Variants in NKAIN3 observed in about 807,000 individuals in gnomAD.
The protein encoded by NKAIN3 is sodium/potassium transporting ATPase interacting 3, also known as sodium/potassium-transporting ATPase subunit beta-1-interacting protein 3.
A neutral mutation model predicts 30.2 loss-of-function variants in NKAIN3; 25 were observed. That is an observed-to-expected ratio of 0.83 (90% CI 0.60 to 1.16). NKAIN3 has a LOEUF of 1.16. Among genes scored for constraint, NKAIN3 ranks in the 50% most tolerant of loss-of-function variants. The probability of loss-of-function intolerance (pLI) is 0.00; values close to 1 mark genes in which losing one functional copy is unlikely to be tolerated. For missense variants in NKAIN3, 225 were observed against 254.1 expected, an observed-to-expected ratio of 0.89 and a Z score of 0.78; for synonymous variants, 91 against 89.6, an observed-to-expected ratio of 1.02 and a Z score of -0.09.
chr8:62,907,410 G>A (rs576434700), intron 4 of NKAIN3, among the ~76,000 whole-genome samples: 5 of 152,338 alleles, frequency 3.3e-5, no homozygotes, highest in South Asian at 4.1e-4. Context: ...CCCATTTTCT[G>A]AGGAGAAATT....
intron 4 of NKAIN3, among the ~76,000 whole-genome samples, chr8:62,890,038 G>A (rs1821257661): frequency 6.6e-6 from 1 of 152,134 alleles, no homozygotes; most frequent in South Asian, 2.1e-4. Context: ...AGTGTGGTGT[G>A]TAGAAAAGGC....
intron 3 of NKAIN3, among the ~76,000 whole-genome samples, chr8:62,608,109 A>G (rs1224956119): frequency 6.6e-6 from 1 of 152,008 alleles, no homozygotes; most frequent in Non-Finnish European, 1.5e-5. Flanking sequence ...ACTAAGACAT[A>G]TACTTTCTTT....
chr8:62,352,622 C>T (rs994527191), intron 1 of NKAIN3, among the ~76,000 whole-genome samples: 1 of 152,116 alleles, frequency 6.6e-6, no homozygotes, highest in Non-Finnish European at 1.5e-5. Context: ...AGATAACTGG[C>T]ATTTGATCTA....
chr8:62,328,791 T>C (rs1413536870), intron 1 of NKAIN3, among the ~76,000 whole-genome samples: 1 of 152,162 alleles, frequency 6.6e-6, no homozygotes, highest in African/African-American at 2.4e-5. Flanking sequence ...GTACCTTATA[T>C]GGGCTAATTG....
At chr8:62,526,947 C>A (rs1368207720) in intron 1 of NKAIN3, among the ~76,000 whole-genome samples, 1 of 152,188 alleles carries the variant, frequency 6.6e-6, no homozygotes, top group Non-Finnish European at 1.5e-5. Context: ...AATAAGCAGC[C>A]TCAGGAATCC....
chr8:62,455,373 T>C (rs1805783285), intron 1 of NKAIN3, among the ~76,000 whole-genome samples: 1 of 152,174 alleles, frequency 6.6e-6, no homozygotes, highest in Non-Finnish European at 1.5e-5. Flanking sequence ...TGCAGCAGTA[T>C]GGATGCAGCT....
chr8:62,670,722 A>C (rs1813273084), intron 3 of NKAIN3, among the ~76,000 whole-genome samples: 1 of 152,174 alleles, frequency 6.6e-6, no homozygotes, highest in Non-Finnish European at 1.5e-5. Context: ...GCAGGTGACC[A>C]AAAGGAATTC....
At chr8:62,746,456 C>A (rs1419272139) in intron 3 of NKAIN3, among the ~76,000 whole-genome samples, 1 of 152,152 alleles carries the variant, frequency 6.6e-6, no homozygotes. Flanking sequence ...AATTATTCAG[C>A]CTGCTATAAA....
At chr8:62,380,277 A>T in intron 1 of NKAIN3, among the ~76,000 whole-genome samples, 1 of 152,218 alleles carries the variant, frequency 6.6e-6, no homozygotes, top group South Asian at 2.1e-4. Context: ...ACTCATTCTT[A>T]TGTCTCATTA....
intron 1 of NKAIN3, among the ~76,000 whole-genome samples, chr8:62,484,193 T>C (rs36012870): frequency 0.1 from 15,839 of 152,118 alleles, 873 homozygotes; most frequent in East Asian, 0.13. Context: ...TGGACTCATC[T>C]CTTGTCACCT....
At chr8:62,497,134 T>C (rs1807267374) in intron 1 of NKAIN3, among the ~76,000 whole-genome samples, 1 of 152,120 alleles carries the variant, frequency 6.6e-6, no homozygotes, top group Non-Finnish European at 1.5e-5. Context: ...GTTTTACAGC[T>C]AAAGATTTTC....
rs1823948624 is a variant in NKAIN3, at chr8:62,976,685, T to C, written c.*11278T>C. ...TTGGGGCATTTAGCCCATTTACATT[T>C]AAGGTTAATATTGTTATGTGTGAAT... On this transcript the variant is annotated 3_prime_UTR_variant, in exon 7 of 7. Coordinates refer to ENST00000623646, the MANE Select transcript of NKAIN3 (RefSeq NM_001304533.3). 6.6e-6 allele frequency among the ~76,000 whole-genome samples: 1 copy of C among 152,226 alleles called. No homozygotes were observed. Among genetic ancestry groups the C allele is most frequent in the Non-Finnish European group, 1.5e-5 (1 of 68,034 alleles).
At chr8:62,606,658 G>A (rs1811142467) in intron 3 of NKAIN3, among the ~76,000 whole-genome samples, 1 of 152,128 alleles carries the variant, frequency 6.6e-6, no homozygotes, top group African/African-American at 2.4e-5. Flanking sequence ...TGGCTTGACA[G>A]AATCATTTTT....
rs967716679 is a variant in NKAIN3, at chr8:62,464,934, T to C, written c.55-114605T>C. Among the ~76,000 whole-genome samples, 6 of 152,182 alleles carry C rather than the reference T, an allele frequency of 3.9e-5. No individual in the cohort carries two copies. In the East Asian group the frequency reaches 7.7e-4, roughly 20 times the overall value. ...TGGGAGTATTATTTATAGGTGAAGA[T>C]AGAATTGGCATTTCAATGTACTGAG... On this transcript the variant is annotated intron_variant, in intron 1 of 6. Coordinates refer to ENST00000623646, the MANE Select transcript of NKAIN3 (RefSeq NM_001304533.3).
At chr8:62,455,670 A>G (rs532384912) in intron 1 of NKAIN3, among the ~76,000 whole-genome samples, 26 of 152,338 alleles carry the variant, frequency 1.7e-4, no homozygotes, top group Non-Finnish European at 2.8e-4. Context: ...TGAACCTACA[A>G]TGAACGTAGT....
chr8:62,332,311 G>A (rs1815383037), intron 1 of NKAIN3, among the ~76,000 whole-genome samples: 1 of 151,970 alleles, frequency 6.6e-6, no homozygotes, highest in South Asian at 2.1e-4. Context: ...TGCTAATAAA[G>A]AACTGGTTTG....
Position 62,974,926 on chromosome 8 carries a change from T to G in NKAIN3, c.*9519T>G, listed in dbSNP as rs1823911116. Among the ~76,000 whole-genome samples the G allele has an allele frequency of 6.6e-6, 1 of 152,310 alleles. No individual in the cohort carries two copies. The highest frequency in any genetic ancestry group is 1.5e-5 in the Non-Finnish European group (1 of 68,022). On this transcript the variant is annotated 3_prime_UTR_variant, in exon 7 of 7. Coordinates refer to ENST00000623646, the MANE Select transcript of NKAIN3 (RefSeq NM_001304533.3). ...CGCATCTATTGAGATAATCATGTGGTTTTTGTCATTGGTTCTGTTTATGTG... is the reference window on the plus strand; with the variant it reads ...CGCATCTATTGAGATAATCATGTGGGTTTTGTCATTGGTTCTGTTTATGTG...
chr8:62,414,591 A>T (rs1026591158), intron 1 of NKAIN3, among the ~76,000 whole-genome samples: 3 of 152,186 alleles, frequency 2.0e-5, no homozygotes, highest in African/African-American at 7.2e-5. Context: ...TTTTCTATAA[A>T]TTGGATCCAA....
chr8:62,581,863 T>A (rs182951941), intron 2 of NKAIN3, among the ~76,000 whole-genome samples: 1 of 17,776 alleles, frequency 5.6e-5, no homozygotes, highest in Non-Finnish European at 1.3e-4. Context: ...CTCCCACCCA[T>A]CCTCACTCCC....
Sources: gnomAD v4.1 joint callset for allele counts (sites outside exome capture counted in the v4.1 genomes callset) on GRCh38, gnomAD v4.1.1 for gene constraint, MANE v1.5 for transcripts, NCBI Gene and HGNC (gene_info 2026-07-23, HGNC 2026-07-21) for gene names.